Variants in KANK1 observed in about 807,000 individuals in gnomAD.
The protein encoded by KANK1 is KN motif and ankyrin repeat domains 1, also known as KN motif and ankyrin repeat domain-containing protein 1.
Under a neutral mutation model 106.2 loss-of-function variants are expected in KANK1, and 109 were observed. The observed-to-expected ratio is 1.03, with a 90% CI of 0.88 to 1.20. The LOEUF (loss-of-function observed/expected upper bound fraction) is 1.20. Ranked by LOEUF, KANK1 falls within the 50% of genes most tolerant of loss-of-function variation. The probability of loss-of-function intolerance (pLI) is 0.00; values close to 1 mark genes in which losing one functional copy is unlikely to be tolerated. For missense variants in KANK1, 2,399 were observed against 1,710.7 expected (o/e 1.40, Z -7.10); for synonymous variants, 873 against 652.2 (o/e 1.34, Z -5.16).
At chr9:500,461 T>C (rs989987763), upstream of KANK1, among the ~76,000 whole-genome samples, 7 of 152,374 alleles carry the variant, frequency 4.6e-5, no homozygotes, top group African/African-American at 1.7e-4. Flanking sequence ...GTTCTTATCC[T>C]GGACTGCAGA....
In KANK1 at chr9:523,818, CT is replaced by C. The variant is rs56375582; in HGVS notation, c.-84+19074del. ...TCTCTCTTAATCCGCTTGGCCTCTT[CT>C]TTTTTTTTTCCATATCAAAAATTAA... On this transcript the variant is annotated intron_variant, in intron 1 of 11. Coordinates refer to ENST00000382297, the MANE Select transcript of KANK1 (RefSeq NM_015158.5). 4.0e-5 allele frequency among the ~76,000 whole-genome samples: 6 copies of C among 148,896 alleles called. 1 individual carries two copies. The highest frequency in any genetic ancestry group is 1.0e-4 in the African/African-American group (4 of 39,842).
intron 1 of KANK1, among the ~76,000 whole-genome samples, chr9:675,780 A>G (rs1050959903): frequency 6.6e-6 from 1 of 152,198 alleles, no homozygotes; most frequent in Non-Finnish European, 1.5e-5. Flanking sequence ...AAAATAAAGG[A>G]ATAAAGAATG....
chr9:610,343 A>C (rs1044162577), intron 1 of KANK1, among the ~76,000 whole-genome samples: 2 of 152,154 alleles, frequency 1.3e-5, no homozygotes, highest in Non-Finnish European at 2.9e-5. Context: ...AAAGTGAACC[A>C]TGATGAGACC....
At chr9:703,056 A>G (rs904745682) in intron 2 of KANK1, among the ~76,000 whole-genome samples, 4 of 151,848 alleles carry the variant, frequency 2.6e-5, no homozygotes, top group Non-Finnish European at 5.9e-5. Flanking sequence ...CGGTGGTGCA[A>G]TCTCGGTTCA....
intron 1 of KANK1, among the ~76,000 whole-genome samples, chr9:554,916 G>A (rs1324014932): frequency 6.6e-6 from 1 of 152,196 alleles, no homozygotes. Context: ...CCATGGGCAA[G>A]TATTCTCAGG....
At chr9:591,847 C>T (rs780185229) in intron 1 of KANK1, among the ~76,000 whole-genome samples, 6 of 151,562 alleles carry the variant, frequency 4.0e-5, no homozygotes, top group Non-Finnish European at 5.9e-5. Context: ...TTAGTAGAGT[C>T]GGGGTTTCAC....
At chr9:720,365 G>C (rs1336451846) in intron 3 of KANK1, among the ~76,000 whole-genome samples, 3 of 152,010 alleles carry the variant, frequency 2.0e-5, no homozygotes. Context: ...GTTTTGTTGA[G>C]ACAAGGTCTC....
Position 609,691 on chromosome 9 carries a change from A to T in KANK1, c.-83-67199A>T, listed in dbSNP as rs561882521. 2.0e-5 allele frequency among the ~76,000 whole-genome samples: 3 copies of T among 152,234 alleles called. No individual in the cohort carries two copies. The East Asian group carries it at 5.8e-4, about 29-fold the overall frequency. On this transcript the variant is annotated intron_variant, in intron 1 of 11. Coordinates refer to ENST00000382297, the MANE Select transcript of KANK1 (RefSeq NM_015158.5). ...CTCAATAGACATTGATCCTGCTAACATATTTTGCCTTTTAATCTATTGGTA... is the reference window on the plus strand; with the variant it reads ...CTCAATAGACATTGATCCTGCTAACTTATTTTGCCTTTTAATCTATTGGTA...
At chr9:671,277 T>C (rs189047492) in intron 1 of KANK1, among the ~76,000 whole-genome samples, 2 of 151,982 alleles carry the variant, frequency 1.3e-5, no homozygotes, top group Non-Finnish European at 2.9e-5. Context: ...TTTGATTTTT[T>C]GAAACAGTTG....
intron 3 of KANK1, among the ~76,000 whole-genome samples, chr9:474,749 A>T (rs374333684): frequency 5.3e-5 from 8 of 151,990 alleles, no homozygotes; most frequent in East Asian, 1.9e-4. Flanking sequence ...GCAGGGGGAG[A>T]TCAGAGGATG....
intron 1 of KANK1, among the ~76,000 whole-genome samples, chr9:570,949 A>G (rs1477952135): frequency 2.0e-5 from 3 of 152,086 alleles, no homozygotes; most frequent in Admixed American, 1.3e-4. Flanking sequence ...TTTGAACATC[A>G]TTTTCTTACT....
intron 3 of KANK1, among the ~76,000 whole-genome samples, chr9:491,547 G>A (rs904797924): frequency 6.6e-6 from 1 of 152,104 alleles, no homozygotes; most frequent in Non-Finnish European, 1.5e-5. Flanking sequence ...GATTACAGGT[G>A]TGAGCCACTG....
At chr9:710,471 A>C (rs577556212) in intron 2 of KANK1, among the ~76,000 whole-genome samples, 1 of 152,190 alleles carries the variant, frequency 6.6e-6, no homozygotes, top group Admixed American at 6.5e-5. Flanking sequence ...TGTAAAAATT[A>C]GCCAGGCGTG....
chr9:734,246 G>A (rs997466548), intron 6 of KANK1: 1 of 152,570 alleles, frequency 6.6e-6, no homozygotes, highest in Admixed American at 6.5e-5. Flanking sequence ...GGCTGGAGGT[G>A]TTGGCTCTGC....
chr9:696,774 A>G (rs576915869), intron 2 of KANK1, among the ~76,000 whole-genome samples: 1 of 152,198 alleles, frequency 6.6e-6, no homozygotes, highest in South Asian at 2.1e-4. Context: ...GTTTCCAGGA[A>G]TACCTGAAAC....
intron 1 of KANK1, among the ~76,000 whole-genome samples, chr9:643,683 A>G: frequency 6.8e-6 from 1 of 146,860 alleles, no homozygotes; most frequent in South Asian, 2.1e-4. Flanking sequence ...CCTAGCATTG[A>G]TTTGTGGGGG....
At chr9:743,786 C>T (rs1564145045) in intron 10 of KANK1, among the ~76,000 whole-genome samples, 1 of 152,164 alleles carries the variant, frequency 6.6e-6, no homozygotes, top group South Asian at 2.1e-4. Flanking sequence ...CACTTGAGCC[C>T]TGGAGGTCAA....
rs764894482 is a variant in KANK1, at chr9:712,899, T to C, written c.2133T>C (p.Thr711=). ...STLDKQTSTQ[T]VETRTVAVGE... is the part of the protein sequence containing the mutation. ...TGGACAAGCAGACCAGCACCCAGAC[T>C]GTGGAGACGCGGACAGTAGCTGTAG... Residue 711 remains threonine, a synonymous_variant, in exon 3 of 12, where the codon ACT becomes ACC. Coordinates refer to ENST00000382297, the MANE Select transcript of KANK1 (RefSeq NM_015158.5). 5 of 1,613,678 alleles carry C rather than the reference T, an allele frequency of 3.1e-6. No individual in the cohort carries two copies. In the South Asian group the frequency reaches 4.4e-5, roughly 14 times the overall value.
intron 1 of KANK1, among the ~76,000 whole-genome samples, chr9:668,522 T>G (rs999107052): frequency 6.6e-6 from 1 of 152,158 alleles, no homozygotes; most frequent in Non-Finnish European, 1.5e-5. Context: ...TTGTTTCTTG[T>G]TTTCTGGTTG....
Sources: gnomAD v4.1 joint callset for allele counts (sites outside exome capture counted in the v4.1 genomes callset) on GRCh38, gnomAD v4.1.1 for gene constraint, MANE v1.5 for transcripts, NCBI Gene and HGNC (gene_info 2026-07-23, HGNC 2026-07-21) for gene names.